Variants in DPH6 observed in about 807,000 individuals in gnomAD.
DPH6 encodes the protein diphthine--ammonia ligase.
Under a neutral mutation model 38.2 loss-of-function variants are expected in DPH6, and 33 were observed. The observed-to-expected ratio is 0.86, with a 90% CI of 0.65 to 1.15. DPH6 has a LOEUF of 1.15. Ranked by LOEUF, DPH6 falls within the 50% of genes most tolerant of loss-of-function variation. The pLI is 0.00. For synonymous variants in DPH6, 108 were observed against 103.0 expected (o/e 1.05, Z -0.30); for missense variants, 325 against 320.0 (o/e 1.02, Z -0.12).
intron 2 of DPH6, among the ~76,000 whole-genome samples, chr15:35,541,010 T>C (rs915361758): frequency 1.2e-4 from 18 of 152,150 alleles, no homozygotes; most frequent in East Asian, 3.8e-4. Context: ...TCTTCTTTTA[T>C]AATACAGAAG....
chr15:35,380,253 G>T (rs1426315649), intron 7 of DPH6, among the ~76,000 whole-genome samples: 4 of 152,192 alleles, frequency 2.6e-5, no homozygotes, highest in Non-Finnish European at 4.4e-5. Flanking sequence ...GCACTAGAGG[G>T]TTCTAACCAC....
At chr15:35,457,605 T>G (rs2054013254) in intron 3 of DPH6, among the ~76,000 whole-genome samples, 1 of 152,190 alleles carries the variant, frequency 6.6e-6, no homozygotes, top group African/African-American at 2.4e-5. Flanking sequence ...GCCCAATAAC[T>G]GTAATTACTA....
chr15:35,485,335 T>C (rs983877831), intron 3 of DPH6, among the ~76,000 whole-genome samples: 1 of 152,016 alleles, frequency 6.6e-6, no homozygotes, highest in Non-Finnish European at 1.5e-5. Flanking sequence ...GTTTTATTAA[T>C]GTTTAAATCA....
At chr15:35,174,841 T>C in the DPH6 span, among the ~76,000 whole-genome samples, 2 of 152,072 alleles carry the variant, frequency 1.3e-5, no homozygotes, top group African/African-American at 4.8e-5. Context: ...CATGTAGAGG[T>C]GGGGTGTCTA....
chr15:35,531,364 C>T (rs1241951751), intron 3 of DPH6, among the ~76,000 whole-genome samples: 2 of 152,180 alleles, frequency 1.3e-5, no homozygotes. Context: ...CACTATGATG[C>T]CCATTCCATT....
intron 3 of DPH6, among the ~76,000 whole-genome samples, chr15:35,223,034 T>TTA (rs1445592135): frequency 1.3e-5 from 2 of 152,296 alleles, no homozygotes; most frequent in Non-Finnish European, 2.9e-5. Context: ...TTGTAACAAG[T>TTA]TATAACAACT....
At chr15:35,531,901 G>A (rs1268319599) in intron 3 of DPH6, among the ~76,000 whole-genome samples, 1 of 152,082 alleles carries the variant, frequency 6.6e-6, no homozygotes, top group Non-Finnish European at 1.5e-5. Flanking sequence ...TCATGTTTTT[G>A]AGGTCTCACA....
chr15:35,190,695 C>A, the DPH6 span, among the ~76,000 whole-genome samples: 1 of 152,186 alleles, frequency 6.6e-6, no homozygotes, highest in African/African-American at 2.4e-5. Context: ...GCAGACTGAT[C>A]CCCAGGCAAG....
chr15:35,365,354 G>T (rs1002205283), intron 3 of DPH6, among the ~76,000 whole-genome samples: 6 of 152,050 alleles, frequency 3.9e-5, no homozygotes, highest in African/African-American at 1.4e-4. Flanking sequence ...GTTCACTATT[G>T]TACACCCAAT....
rs572092662 is a variant in DPH6 at position 35,536,602 on chromosome 15, ATCTC to A, written c.312+1668_312+1671del. ...AATTTATTATTAATTGTAATTTATTATCTCTCTTTCTTGGAGGGCTGTTATTATC... is the reference window on the plus strand; with the variant it reads ...AATTTATTATTAATTGTAATTTATTATCTTTCTTGGAGGGCTGTTATTATC... On this transcript the variant is annotated intron_variant, in intron 3 of 8. Transcript: ENST00000256538. Among the ~76,000 whole-genome samples, 91 of 152,150 alleles carry A rather than the reference ATCTC, an allele frequency of 6.0e-4. 2 individuals are homozygous for A. The South Asian group carries it at 0.019, about 31-fold the overall frequency.
At chr15:35,403,904 C>G (rs1446916036) in intron 6 of DPH6, among the ~76,000 whole-genome samples, 2 of 151,554 alleles carry the variant, frequency 1.3e-5, no homozygotes, top group African/African-American at 4.9e-5. Context: ...TGGTAACCAT[C>G]CTTTTAGTTT....
At chr15:35,521,454 T>C (rs916022187) in intron 3 of DPH6, 2 of 1,179,254 alleles carry the variant, frequency 1.7e-6, no homozygotes, top group African/African-American at 3.2e-5. Context: ...CATAGGCTGA[T>C]TGCTTTTCAT....
intron 3 of DPH6, among the ~76,000 whole-genome samples, chr15:35,269,107 A>G (rs191988505): frequency 1.6e-3 from 250 of 152,356 alleles, no homozygotes; most frequent in South Asian, 8.3e-4. Flanking sequence ...TATCCTATAA[A>G]AATAGAAAAC....
intron 3 of DPH6, chr15:35,521,949 G>A: frequency 7.0e-7 from 1 of 1,420,464 alleles, no homozygotes; most frequent in Non-Finnish European, 9.2e-7. Flanking sequence ...TTGAAGGTTT[G>A]CCAAATCTTG....
At chr15:35,156,359 A>G in the DPH6 span, among the ~76,000 whole-genome samples, 1 of 152,212 alleles carries the variant, frequency 6.6e-6, no homozygotes, top group Non-Finnish European at 1.5e-5. Flanking sequence ...TATTACATTT[A>G]AAGTCTCTTA....
At chr15:35,315,848 T>C (rs2052183951) in intron 3 of DPH6, among the ~76,000 whole-genome samples, 1 of 152,190 alleles carries the variant, frequency 6.6e-6, no homozygotes, top group Non-Finnish European at 1.5e-5. Context: ...CAATGAAATA[T>C]TATTCAGCTG....
At chr15:35,525,248 T>G (rs537573355) in intron 3 of DPH6, among the ~76,000 whole-genome samples, 1 of 152,172 alleles carries the variant, frequency 6.6e-6, no homozygotes, top group Admixed American at 6.5e-5. Flanking sequence ...ATCCCTATTC[T>G]TCTCTCCTTC....
chr15:35,344,921 T>C (rs1258676433), intron 3 of DPH6, among the ~76,000 whole-genome samples: 1 of 151,932 alleles, frequency 6.6e-6, no homozygotes, highest in Admixed American at 6.6e-5. Flanking sequence ...TAATCCTCTT[T>C]GCCTTTGGGA....
intron 3 of DPH6, among the ~76,000 whole-genome samples, chr15:35,279,258 T>A (rs2051881670): frequency 1.3e-5 from 2 of 151,914 alleles, no homozygotes; most frequent in Admixed American, 1.3e-4. Flanking sequence ...TACAGGCTCA[T>A]AGGAAAGAAC....
Sources: gnomAD v4.1 joint callset for allele counts (sites outside exome capture counted in the v4.1 genomes callset) on GRCh38, gnomAD v4.1.1 for gene constraint, MANE v1.5 for transcripts, NCBI Gene and HGNC (gene_info 2026-07-23, HGNC 2026-07-21) for gene names.